ZCWPW2: variants seen among roughly 807,000 people sequenced by gnomAD.
ZCWPW2 encodes the protein zinc finger CW-type PWWP domain protein 2.
A neutral mutation model predicts 46.6 loss-of-function variants in ZCWPW2; 45 were observed. That is an observed-to-expected ratio of 0.96 (90% CI 0.76 to 1.24). The LOEUF is 1.24. Ranked by LOEUF, ZCWPW2 falls within the 50% of genes most tolerant of loss-of-function variation. The pLI is 0.00. For synonymous variants in ZCWPW2, 152 were observed against 137.1 expected, an observed-to-expected ratio of 1.11 and a Z score of -0.76; for missense variants, 429 against 403.9, an observed-to-expected ratio of 1.06 and a Z score of -0.53.
At chr3:28,508,452 G>A (rs1353163339) in intron 6 of ZCWPW2, among the ~76,000 whole-genome samples, 1 of 151,912 alleles carries the variant, frequency 6.6e-6, no homozygotes, top group African/African-American at 2.4e-5. Context: ...GCTACATGAG[G>A]TTTCTTTTGT....
intron 2 of ZCWPW2, among the ~76,000 whole-genome samples, chr3:28,400,430 G>A (rs1051760507): frequency 2.0e-5 from 3 of 152,124 alleles, no homozygotes; most frequent in African/African-American, 7.2e-5. Flanking sequence ...AATACAAGAA[G>A]CACAAAGAAT....
At chr3:28,520,691 G>C (rs1191598864) in intron 8 of ZCWPW2, among the ~76,000 whole-genome samples, 1 of 151,742 alleles carries the variant, frequency 6.6e-6, no homozygotes, top group African/African-American at 2.4e-5. Flanking sequence ...ATTTAGCTTG[G>C]TGCCCTTGGC....
intron 1 of ZCWPW2, among the ~76,000 whole-genome samples, chr3:28,372,773 C>A (rs997048792): frequency 1.7e-4 from 26 of 152,274 alleles, no homozygotes; most frequent in African/African-American, 5.5e-4. Flanking sequence ...TCACCCCTTT[C>A]CCTACCTCTC....
chr3:28,392,168 G>C (rs1339910734), intron 2 of ZCWPW2, among the ~76,000 whole-genome samples: 5 of 151,784 alleles, frequency 3.3e-5, no homozygotes, highest in African/African-American at 1.2e-4. Flanking sequence ...AGAGGCCAGG[G>C]CTACACATAT....
chr3:28,472,258 G>A (rs1699066685), intron 4 of ZCWPW2, among the ~76,000 whole-genome samples: 1 of 152,096 alleles, frequency 6.6e-6, no homozygotes, highest in Admixed American at 6.5e-5. Context: ...AAAAGGCTCA[G>A]AATAGCCAAA....
intron 1 of ZCWPW2, among the ~76,000 whole-genome samples, chr3:28,352,238 C>T (rs1704581838): frequency 6.6e-6 from 1 of 151,982 alleles, no homozygotes; most frequent in Non-Finnish European, 1.5e-5. Context: ...CTGTGTGCAT[C>T]TTAAACCGGC....
intron 4 of ZCWPW2, among the ~76,000 whole-genome samples, chr3:28,452,369 C>T (rs1698259065): frequency 6.6e-6 from 1 of 152,200 alleles, no homozygotes; most frequent in African/African-American, 2.4e-5. Flanking sequence ...ACTGCAACCT[C>T]TGCTGCCCCA....
intron 2 of ZCWPW2, among the ~76,000 whole-genome samples, chr3:28,399,479 C>T (rs1695838871): frequency 6.6e-6 from 1 of 152,166 alleles, no homozygotes; most frequent in Non-Finnish European, 1.5e-5. Flanking sequence ...GGCCAACCAG[C>T]ACAAAAGTAG....
At chr3:28,398,128 A>T (rs1298564088) in intron 2 of ZCWPW2, 4 of 152,274 alleles carry the variant, frequency 2.6e-5, no homozygotes, top group African/African-American at 7.2e-5. Context: ...GAGGCTAAAA[A>T]GTCCAAGATC....
chr3:28,476,025 T>C (rs1699227774), intron 4 of ZCWPW2, among the ~76,000 whole-genome samples: 1 of 152,094 alleles, frequency 6.6e-6, no homozygotes, highest in Non-Finnish European at 1.5e-5. Flanking sequence ...GTTGAATCAA[T>C]AAATTCAATC....
intron 5 of ZCWPW2, among the ~76,000 whole-genome samples, chr3:28,481,194 A>C (rs1383592077): frequency 2.6e-5 from 4 of 152,066 alleles, no homozygotes; most frequent in Non-Finnish European, 2.9e-5. Flanking sequence ...TATGGATATG[A>C]CACATTTTTA....
At chr3:28,349,509 A>G (rs1704450066) in intron 1 of ZCWPW2, among the ~76,000 whole-genome samples, 1 of 152,176 alleles carries the variant, frequency 6.6e-6, no homozygotes, top group Non-Finnish European at 1.5e-5. Flanking sequence ...CGACACCACG[A>G]CTTCTAGCAC....
Position 28,496,338 on chromosome 3 carries a change from T to C in ZCWPW2, c.657+4165T>C, listed in dbSNP as rs185976093. Among the ~76,000 whole-genome samples, 47 of 152,128 alleles carry C rather than the reference T, an allele frequency of 3.1e-4. 1 individual carries two copies. In the East Asian group the frequency reaches 8.7e-3, roughly 28 times the overall value. On this transcript the variant is annotated intron_variant, in intron 6 of 9. Transcript: ENST00000383768. Reference sequence around the variant, plus strand: ...TTTTAAAAATAAACATTTAGAAATATTTTTAGTGTTGCTAGCAAGATTATA... The same window carrying C: ...TTTTAAAAATAAACATTTAGAAATACTTTTAGTGTTGCTAGCAAGATTATA...
At chr3:28,457,308 T>G (rs1185405344) in intron 4 of ZCWPW2, among the ~76,000 whole-genome samples, 1 of 152,244 alleles carries the variant, frequency 6.6e-6, no homozygotes, top group Non-Finnish European at 1.5e-5. Flanking sequence ...ATTCTATCAT[T>G]AAACATAGAA....
chr3:28,426,461 A>G (rs1697016584), intron 3 of ZCWPW2, among the ~76,000 whole-genome samples: 1 of 152,138 alleles, frequency 6.6e-6, no homozygotes, highest in South Asian at 2.1e-4. Context: ...ATATGTTTGC[A>G]TTATATTGTA....
At position 28,391,587 on chromosome 3, in the gene ZCWPW2, A is replaced by G. The variant is rs143056850; in HGVS notation, c.-14+970A>G. Among the ~76,000 whole-genome samples the G allele has an allele frequency of 2.5e-3, 386 of 152,326 alleles. 1 individual carries two copies. Among genetic ancestry groups the G allele is most frequent in the African/African-American group, 8.4e-3 (350 of 41,576 alleles). On this transcript the variant is annotated intron_variant, in intron 2 of 9. Coordinates refer to ENST00000383768, the MANE Select transcript of ZCWPW2 (RefSeq NM_001040432.4). ...CAAAAGAAGGGCAGGGGCTACTAGT[A>G]TCAGCAGTGTGGCTTATGCTACCAC...
intron 3 of ZCWPW2, among the ~76,000 whole-genome samples, chr3:28,416,984 T>G (rs1444948265): frequency 6.6e-6 from 1 of 150,898 alleles, no homozygotes; most frequent in Non-Finnish European, 1.5e-5. Flanking sequence ...TCTCTTTTTT[T>G]GTTGTGTCTC....
intron 4 of ZCWPW2, among the ~76,000 whole-genome samples, chr3:28,465,807 G>A (rs184987293): frequency 1.4e-4 from 21 of 151,956 alleles, no homozygotes; most frequent in Admixed American, 3.3e-4. Context: ...AGGAAAAAAC[G>A]ATTAAAAGCA....
chr3:28,379,906 C>T (rs1705620567), intron 1 of ZCWPW2, among the ~76,000 whole-genome samples: 1 of 151,904 alleles, frequency 6.6e-6, no homozygotes, highest in African/African-American at 2.4e-5. Flanking sequence ...ATGGAGTAGA[C>T]CTAATCTTGG....
Sources: gnomAD v4.1 joint callset for allele counts (sites outside exome capture counted in the v4.1 genomes callset) on GRCh38, gnomAD v4.1.1 for gene constraint, MANE v1.5 for transcripts, NCBI Gene and HGNC (gene_info 2026-07-23, HGNC 2026-07-21) for gene names.